ZNF618: variants seen among roughly 807,000 people sequenced by gnomAD.
ZNF618 encodes the protein zinc finger protein 618, also known as neural precursor cell expressed, developmentally down-regulated 10.
Under a neutral mutation model 103.0 loss-of-function variants are expected in ZNF618, and 34 were observed. The observed-to-expected ratio is 0.33, with a 90% CI of 0.25 to 0.44. ZNF618 has a LOEUF of 0.44. ZNF618 is among the 20% of genes least tolerant of loss of function. The pLI, the probability that ZNF618 is intolerant of heterozygous loss-of-function variation, is 1.00. For synonymous variants in ZNF618, 551 were observed against 542.2 expected, an observed-to-expected ratio of 1.02 and a Z score of -0.23; for missense variants, 1,059 against 1,295.4, an observed-to-expected ratio of 0.82 and a Z score of 2.80.
At chr9:113,919,933 T>C (rs936719052) in intron 1 of ZNF618, among the ~76,000 whole-genome samples, 1 of 152,248 alleles carries the variant, frequency 6.6e-6, no homozygotes, top group South Asian at 2.1e-4. Flanking sequence ...CACCTTCTTA[T>C]GCCATCCTCG....
At chr9:113,888,926 A>G (rs1426612986) in intron 1 of ZNF618, among the ~76,000 whole-genome samples, 1 of 152,180 alleles carries the variant, frequency 6.6e-6, no homozygotes, top group African/African-American at 2.4e-5. Flanking sequence ...AACAGACAAG[A>G]GAGATTTACA....
chr9:114,015,198 C>A (rs1308581775), intron 9 of ZNF618, among the ~76,000 whole-genome samples: 1 of 151,568 alleles, frequency 6.6e-6, no homozygotes, highest in Non-Finnish European at 1.5e-5. Flanking sequence ...GAGAGAAAAA[C>A]CATAAACAGA....
intron 1 of ZNF618, among the ~76,000 whole-genome samples, chr9:113,955,668 C>T (rs985589185): frequency 4.0e-5 from 6 of 151,586 alleles, no homozygotes; most frequent in Non-Finnish European, 7.4e-5. Flanking sequence ...CCAGACTTTT[C>T]TCTCTTTAAA....
intron 9 of ZNF618, 111 bp downstream of exon 9, chr9:114,008,665 C>A: frequency 7.8e-7 from 1 of 1,280,760 alleles, no homozygotes; most frequent in Non-Finnish European, 1.1e-6. Context: ...CACTTAACTG[C>A]AGCAATGGTG....
intron 1 of ZNF618, among the ~76,000 whole-genome samples, chr9:113,905,404 A>G (rs1176959119): frequency 6.6e-6 from 1 of 152,224 alleles, no homozygotes; most frequent in Non-Finnish European, 1.5e-5. Flanking sequence ...GGCAAACTAC[A>G]GGCCAAATAT....
chr9:113,973,764 A>G (rs1181734567), intron 2 of ZNF618, among the ~76,000 whole-genome samples: 1 of 152,248 alleles, frequency 6.6e-6, no homozygotes, highest in African/African-American at 2.4e-5. Context: ...AAATAATTGT[A>G]TGTAAATATA....
At chr9:113,991,760 T>C (rs997695191) in intron 3 of ZNF618, among the ~76,000 whole-genome samples, 1 of 152,150 alleles carries the variant, frequency 6.6e-6, no homozygotes, top group African/African-American at 2.4e-5. Flanking sequence ...GTCTGGACCT[T>C]GGTGTTCCTT....
rs1357404768 is a variant in ZNF618, at chr9:113,924,416, TTCTTCTTC to T, written c.34-44699_34-44692del. ...AATTTGTGTCTTCTTCTTCTTCTTCTTCTTCTTCTTTTTTTTTTTTTTTGGTCTTGGTT... is the reference window on the plus strand; with the variant it reads ...AATTTGTGTCTTCTTCTTCTTCTTCTTTTTTTTTTTTTTTTGGTCTTGGTT... On this transcript the variant is annotated intron_variant, in intron 1 of 14. Coordinates refer to ENST00000374126, the MANE Select transcript of ZNF618 (RefSeq NM_001318042.2). Among the ~76,000 whole-genome samples, 237 of 148,632 alleles carry T rather than the reference TTCTTCTTC, an allele frequency of 1.6e-3. 1 individual carries two copies. Among genetic ancestry groups the T allele is most frequent in the African/African-American group, 5.7e-3 (229 of 40,172 alleles).
intron 3 of ZNF618, among the ~76,000 whole-genome samples, chr9:113,991,327 C>T (rs1392969776): frequency 6.6e-6 from 1 of 152,210 alleles, no homozygotes; most frequent in Admixed American, 6.5e-5. Flanking sequence ...CCATCCAAGG[C>T]GGCAGTGGAA....
chr9:113,912,656 G>T (rs540894615), intron 1 of ZNF618, among the ~76,000 whole-genome samples: 1 of 152,248 alleles, frequency 6.6e-6, no homozygotes, highest in South Asian at 2.1e-4. Flanking sequence ...ACGTGATGAG[G>T]GTTGGGGATG....
chr9:113,950,163 ATT>A (rs1835426260), intron 1 of ZNF618, among the ~76,000 whole-genome samples: 1 of 152,020 alleles, frequency 6.6e-6, no homozygotes, highest in Non-Finnish European at 1.5e-5. Context: ...GTTTCCAGGT[ATT>A]TTTCTTCCCT....
At chr9:113,921,921 A>G (rs1337035459) in intron 1 of ZNF618, among the ~76,000 whole-genome samples, 1 of 152,120 alleles carries the variant, frequency 6.6e-6, no homozygotes, top group Non-Finnish European at 1.5e-5. Flanking sequence ...GTATTATCCA[A>G]AGCAATACAT....
chr9:114,039,562 G>A (rs1401142206), intron 13 of ZNF618, among the ~76,000 whole-genome samples: 1 of 152,040 alleles, frequency 6.6e-6, no homozygotes, highest in Non-Finnish European at 1.5e-5. Context: ...CGTTGGCCAG[G>A]CTGGCCTTGA....
Position 113,939,279 on chromosome 9 carries a change from T to G in ZNF618, c.34-29838T>G, listed in dbSNP as rs571086378. Among the ~76,000 whole-genome samples, 17 of 151,970 alleles carry G rather than the reference T, an allele frequency of 1.1e-4. No homozygotes were observed. In the East Asian group the frequency reaches 3.3e-3, roughly 29 times the overall value. ...TAATTATATTGATCAGTGGTTTTTT[T>G]GTTTGTTGTTTGTTTGTTGTTGTTG... On this transcript the variant is annotated intron_variant, in intron 1 of 14. Coordinates refer to ENST00000374126, the MANE Select transcript of ZNF618 (RefSeq NM_001318042.2).
chr9:114,016,825 C>T (rs575918628), intron 10 of ZNF618, 41 bp downstream of exon 10: 18 of 1,544,122 alleles, frequency 1.2e-5, no homozygotes, highest in Admixed American at 3.6e-5. Flanking sequence ...TTGGGGGACC[C>T]GGGACAGGGT....
intron 1 of ZNF618, among the ~76,000 whole-genome samples, chr9:113,923,850 A>G (rs1046193223): frequency 2.1e-4 from 32 of 151,998 alleles, no homozygotes; most frequent in African/African-American, 7.5e-4. Context: ...CAGATTTTGG[A>G]ATATTTGCAT....
At chr9:114,024,387 G>T (rs918715443) in intron 10 of ZNF618, among the ~76,000 whole-genome samples, 5 of 152,070 alleles carry the variant, frequency 3.3e-5, no homozygotes, top group Admixed American at 6.5e-5. Context: ...ACATTTTCCT[G>T]TGTTGCCTGG....
At chr9:113,938,165 GTTT>G (rs770850585) in intron 1 of ZNF618, among the ~76,000 whole-genome samples, 1 of 95,524 alleles carries the variant, frequency 1.0e-5, no homozygotes, top group Non-Finnish European at 2.0e-5. Context: ...TCAGGCTCCT[GTTT>G]TTTTTTTTTT....
In ZNF618 at chr9:114,053,851, C is replaced by T. The variant is rs1227666702; in HGVS notation, c.*3684C>T. ...ACTTCATCTCTGGAGGTTCGCTGCACAGAGGCCACCTGCCGCATCACCAGT... is the reference window on the plus strand; with the variant it reads ...ACTTCATCTCTGGAGGTTCGCTGCATAGAGGCCACCTGCCGCATCACCAGT... On this transcript the variant is annotated 3_prime_UTR_variant, in exon 15 of 15. Coordinates refer to ENST00000374126, the MANE Select transcript of ZNF618 (RefSeq NM_001318042.2). 2.0e-5 allele frequency: 3 copies of T among 152,268 alleles called. No homozygotes were observed. Among genetic ancestry groups the T allele is most frequent in the Non-Finnish European group, 4.4e-5 (3 of 68,066 alleles). The allele number at this position is 152,268 out of a possible 1,614,324, so 9.4% of individuals were successfully genotyped here.
Sources: allele counts gnomAD v4.1 joint callset (sites outside exome capture counted in the v4.1 genomes callset), GRCh38; gene constraint gnomAD v4.1.1; transcripts MANE v1.5; gene names NCBI Gene and HGNC (gene_info 2026-07-23, HGNC 2026-07-21).